The following DMXL1 variants were observed in gnomAD, a reference collection of about 807,000 sequenced individuals.
The protein encoded by DMXL1 is Dmx like 1.
Under a neutral mutation model 319.2 loss-of-function variants are expected in DMXL1, and 99 were observed. The ratio of observed to expected loss-of-function variants is 0.31; its 90% CI spans 0.26 to 0.37. DMXL1 has a LOEUF of 0.37. Ranked by LOEUF, DMXL1 falls within the 10% of genes least tolerant of loss-of-function variation. DMXL1 has a pLI of 1.00. For missense variants in DMXL1, 3,745 were observed against 3,595.6 expected (o/e 1.04, Z -1.06); for synonymous variants, 1,385 against 1,235.2 (o/e 1.12, Z -2.54).
In DMXL1 at chr5:119,149,083, A is replaced by G. The variant is rs375268183; in HGVS notation, c.3256A>G (p.Thr1086Ala). ...TGTAAGTATTTTTGAATGTGAGTCA[A>G]CAGGAGGTTCATGTTGGGTCCTTGA... ...MHVSIFECES[T>A]GGSCWVLEQT... Residue 1086 changes from threonine (T) to alanine (A), a missense_variant, in exon 18 of 44, where the codon ACA (threonine) becomes GCA (alanine). Thr to Ala is a moderately conservative substitution (Grantham distance 58). Coordinates refer to ENST00000539542, the MANE Select transcript of DMXL1 (RefSeq NM_001290321.3). The G allele has an allele frequency of 1.9e-6, 3 of 1,613,848 alleles. No individual in the cohort carries two copies. The highest frequency in any genetic ancestry group is 1.3e-5 in the African/African-American group (1 of 74,920).
chr5:119,106,691 G>T (rs753461502), intron 4 of DMXL1, among the ~76,000 whole-genome samples: 1 of 152,200 alleles, frequency 6.6e-6, no homozygotes, highest in East Asian at 1.9e-4. Context: ...AGAAGGGTCA[G>T]TGGCAAATGG....
At chr5:119,219,779 G>C (rs904470712) in intron 35 of DMXL1, among the ~76,000 whole-genome samples, 25 of 152,074 alleles carry the variant, frequency 1.6e-4, no homozygotes, top group Admixed American at 1.2e-3. Context: ...TGTTGCCCAG[G>C]CTACTATCGA....
At position 119,210,049 on chromosome 5, in the gene DMXL1, A is replaced by G. The variant is rs138974408; in HGVS notation, c.7926+3153A>G. Among the ~76,000 whole-genome samples, 1,301 of 152,068 alleles carry G rather than the reference A, an allele frequency of 8.6e-3. 15 individuals are homozygous for G. Among genetic ancestry groups the G allele is most frequent in the African/African-American group, 0.03 (1,234 of 41,440 alleles). ...AGTGGTATGATCTTGGCTCACTGCA[A>G]TCTCCACCTCCTGGGTACAAGCGAT... is the stretch of plus-strand genomic sequence containing the variant. On this transcript the variant is annotated intron_variant, in intron 34 of 43. Transcript: ENST00000539542.
intron 19 of DMXL1, among the ~76,000 whole-genome samples, chr5:119,157,565 T>C (rs1238361888): frequency 2.6e-5 from 4 of 152,224 alleles, no homozygotes; most frequent in Non-Finnish European, 1.5e-5. Context: ...CCAGCACCAT[T>C]TTTTGAAGAA....
rs185292839 is a variant in DMXL1, at chr5:119,189,721, T to C, written c.7149T>C (p.Val2383=). The part of the protein sequence containing the change: ...HSKTLPVSSL[V]EEGEKQNKRF... Reference sequence around the variant, plus strand: ...TCTTTTTGTTAGTTTCTTCACTAGTTGAAGAAGGAGAAAAACAGAACAAAC... The same window carrying C: ...TCTTTTTGTTAGTTTCTTCACTAGTCGAAGAAGGAGAAAAACAGAACAAAC... Residue 2383 remains valine, a synonymous_variant, in exon 29 of 44, where the codon GTT becomes GTC. Transcript: ENST00000539542. The C allele has an allele frequency of 6.2e-6, 10 of 1,613,952 alleles. No individual in the cohort carries two copies. In the African/African-American group the frequency reaches 1.2e-4, roughly 19 times the overall value.
chr5:119,108,874 T>C (rs1359383061), intron 4 of DMXL1, among the ~76,000 whole-genome samples: 2 of 152,128 alleles, frequency 1.3e-5, no homozygotes, highest in Admixed American at 6.6e-5. Flanking sequence ...TGATCTCAAC[T>C]CACTGCAACC....
chr5:119,126,091 C>G (rs1001582611), intron 9 of DMXL1, among the ~76,000 whole-genome samples: 4 of 152,080 alleles, frequency 2.6e-5, no homozygotes, highest in South Asian at 2.1e-4. Context: ...TGAAACCAGC[C>G]TGGCCAACAT....
chr5:119,121,119 C>T lies in DMXL1; in HGVS notation c.1082C>T (p.Ala361Val). The T allele has an allele frequency of 6.2e-7, 1 of 1,605,726 alleles. No individual in the cohort carries two copies. The highest frequency in any genetic ancestry group is 8.5e-7 in the Non-Finnish European group (1 of 1,177,546). The change falls in exon 9 of 44, where the codon GCC (alanine) becomes GTC (valine). Residue 361 changes from alanine (A) to valine (V), a missense_variant. Around this residue, in one of 4 missense-constraint regions of DMXL1, gnomAD observed 2,096 missense variants for 1,985.4 expected, o/e 1.06. Transcript: ENST00000539542. ...GCACTTTGCCACTTTCATATTGCAGCCAGCATCAACCCAGCCACAGGTAAT... is the reference window on the plus strand; with the variant it reads ...GCACTTTGCCACTTTCATATTGCAGTCAGCATCAACCCAGCCACAGGTAAT... ...ANALCHFHIA[A>V]SINPATDIPL...
chr5:119,086,688 GA>G (rs1753445122), intron 1 of DMXL1, among the ~76,000 whole-genome samples: 1 of 151,934 alleles, frequency 6.6e-6, no homozygotes, highest in Non-Finnish European at 1.5e-5. Flanking sequence ...GCTTTTCTTT[GA>G]TAAAATACTT....
chr5:119,219,665 T>C (rs1014245823), intron 35 of DMXL1, among the ~76,000 whole-genome samples: 1 of 152,104 alleles, frequency 6.6e-6, no homozygotes, highest in African/African-American at 2.4e-5. Flanking sequence ...CCTCCTGGGC[T>C]CAAGCAATCG....
At chr5:119,204,983 T>C (rs1247651287) in intron 33 of DMXL1, among the ~76,000 whole-genome samples, 1 of 152,200 alleles carries the variant, frequency 6.6e-6, no homozygotes, top group Non-Finnish European at 1.5e-5. Flanking sequence ...GTGGAAACTG[T>C]ATATGCTGTT....
chr5:119,079,506 T>G (rs1165069635), intron 1 of DMXL1, among the ~76,000 whole-genome samples: 1 of 152,240 alleles, frequency 6.6e-6, no homozygotes, highest in Non-Finnish European at 1.5e-5. Context: ...ACATCCCTCT[T>G]TATCTTTGAC....
intron 2 of DMXL1, among the ~76,000 whole-genome samples, chr5:119,098,451 T>A (rs548769102): frequency 4.0e-4 from 12 of 30,118 alleles, no homozygotes; most frequent in Non-Finnish European, 7.3e-4. Flanking sequence ...TTTAGAATAT[T>A]TTTTTTTTTT....
At position 119,110,145 on chromosome 5, in the gene DMXL1, T is replaced by G. The variant is rs1759258198; in HGVS notation, c.365-6T>G. 1 of 1,588,742 alleles carries G rather than the reference T, an allele frequency of 6.3e-7. No individual in the cohort carries two copies. The highest frequency in any genetic ancestry group is 1.8e-5 in the Admixed American group (1 of 54,310). On this transcript the variant is annotated splice_polypyrimidine_tract_variant and splice_region_variant and intron_variant, in intron 4 of 43. Coordinates refer to ENST00000539542, the MANE Select transcript of DMXL1 (RefSeq NM_001290321.3). ...AATAATAAATGAGGAATAATATTTT[T>G]TTTAGGCAGTCGTCTTTTAACTGGT...
chr5:119,173,776 G>GTGTGTATATATATATATATATATATATA, intron 25 of DMXL1, among the ~76,000 whole-genome samples: 36 of 67,164 alleles, frequency 5.4e-4, no homozygotes, highest in African/African-American at 1.3e-3. Flanking sequence ...ATGTGTGTGT[G>GTGTGTATATATATATATATATATATATA]TATATATATA....
At chr5:119,093,397 A>G (rs1361984987) in intron 1 of DMXL1, among the ~76,000 whole-genome samples, 1 of 151,922 alleles carries the variant, frequency 6.6e-6, no homozygotes, top group Non-Finnish European at 1.5e-5. Context: ...TGGCCTCCCA[A>G]AGTGCTGGGA....
chr5:119,124,563 CTT>C (rs34589863), intron 9 of DMXL1, among the ~76,000 whole-genome samples: 2,091 of 102,948 alleles, frequency 0.02, 9 homozygotes, highest in East Asian at 0.027. Context: ...ATGGTGATGA[CTT>C]TTTTTTTTTT....
chr5:119,149,793 A>G lies in DMXL1; in HGVS notation c.3966A>G (p.Leu1322=), dbSNP rs1291248518. 6.2e-6 allele frequency: 10 copies of G among 1,613,790 alleles called. No individual in the cohort carries two copies. The highest frequency in any genetic ancestry group is 2.7e-5 in the African/African-American group (2 of 74,882). Residue 1322 remains leucine, a synonymous_variant, in exon 18 of 44, where the codon CTA becomes CTG. Transcript: ENST00000539542. ...FEAAHVLSPT[L]PQYHPLQLLE... is the part of the protein sequence containing the mutation. ...CAGCTCATGTACTTTCCCCGACTCT[A>G]CCTCAGTATCATCCCTTGCAGCTTT...
At chr5:119,246,939 G>C (rs1246396207) in intron 43 of DMXL1, 56 bp from the exon 44 acceptor site, 1 of 1,374,200 alleles carries the variant, frequency 7.3e-7, no homozygotes, top group Non-Finnish European at 1.0e-6. Flanking sequence ...GGCCTCATTT[G>C]ATTTCTTAAG....
Sources: gnomAD v4.1 joint callset for allele counts (sites outside exome capture counted in the v4.1 genomes callset) on GRCh38, gnomAD v4.1.1 for gene constraint, gnomAD v4.1.1 regional missense constraint, MANE v1.5 for transcripts, NCBI Gene and HGNC (gene_info 2026-07-23, HGNC 2026-07-21) for gene names.